Variants in CDYL observed in about 807,000 individuals in gnomAD.
CDYL encodes chromodomain Y-like protein.
CDYL carries 8 observed loss-of-function variants against 47.3 expected under a neutral mutation model. That is an observed-to-expected ratio of 0.17 (90% CI 0.10 to 0.31). The LOEUF (loss-of-function observed/expected upper bound fraction) is 0.31. Ranked by LOEUF, CDYL falls within the 10% of genes least tolerant of loss-of-function variation. The pLI is 1.00. For missense variants in CDYL, 471 were observed against 701.4 expected (o/e 0.67, Z 3.71); for synonymous variants, 266 against 265.0 (o/e 1.00, Z -0.04).
intron 2 of CDYL, among the ~76,000 whole-genome samples, chr6:4,731,405 A>G (rs572194209): frequency 2.0e-4 from 30 of 152,278 alleles, no homozygotes; most frequent in African/African-American, 6.7e-4. Flanking sequence ...ATCATGATCT[A>G]ATTCAAATGG....
chr6:4,864,028 G>C (rs1057054108), intron 1 of CDYL, among the ~76,000 whole-genome samples: 2 of 152,170 alleles, frequency 1.3e-5, no homozygotes, highest in African/African-American at 2.4e-5. Flanking sequence ...AAGGCACAGA[G>C]GGAGAAAGAG....
chr6:4,776,756 C>G lies in CDYL; in HGVS notation c.-28C>G. ...CGCCGGCGCCCGCCCCGACCCTGCC[C>G]CTCCCGCCCGCAACTCCGCCGCCCA... On this transcript the variant is annotated 5_prime_UTR_variant, in exon 1 of 7. Transcript: ENST00000397588. 1 of 1,252,094 alleles carries G rather than the reference C, an allele frequency of 8.0e-7. No homozygotes were observed. Among genetic ancestry groups the G allele is most frequent in the South Asian group, 1.4e-5 (1 of 70,594 alleles). The allele number at this position is 1,252,094 out of a possible 1,614,324, so 77.6% of individuals were successfully genotyped here.
At chr6:4,925,484 T>A (rs570981991) in intron 2 of CDYL, among the ~76,000 whole-genome samples, 5 of 140,654 alleles carry the variant, frequency 3.6e-5, no homozygotes, top group Non-Finnish European at 7.6e-5. Context: ...CGATCTCGGC[T>A]CACTGCAAGC....
At chr6:4,870,033 T>C (rs1170744242) in intron 1 of CDYL, among the ~76,000 whole-genome samples, 1 of 152,238 alleles carries the variant, frequency 6.6e-6, no homozygotes, top group African/African-American at 2.4e-5. Flanking sequence ...TATTTTGCTT[T>C]CATTTTTTTT....
chr6:4,777,420 G>GA (rs745715988), intron 1 of CDYL, among the ~76,000 whole-genome samples: 3 of 152,304 alleles, frequency 2.0e-5, no homozygotes, highest in Non-Finnish European at 2.9e-5. Context: ...TTGCAAATGA[G>GA]AAGGGCATAG....
In CDYL at chr6:4,918,115, C is replaced by T. The variant is rs567888586; in HGVS notation, c.692-17400C>T. On this transcript the variant is annotated intron_variant, in intron 2 of 6. Coordinates refer to ENST00000397588, the MANE Select transcript of CDYL (RefSeq NM_004824.4). The stretch of plus-strand genomic sequence containing the variant: ...CTTATGAAAACAATAGTTGCAAAAG[C>T]CAGTTGGTTCTGAGAGTCAGGATAA... 4.6e-5 allele frequency among the ~76,000 whole-genome samples: 7 copies of T among 152,192 alleles called. No homozygotes were observed. In the East Asian group the frequency reaches 9.6e-4, roughly 21 times the overall value.
At chr6:4,857,286 A>G (rs1561672982) in intron 1 of CDYL, among the ~76,000 whole-genome samples, 1 of 152,202 alleles carries the variant, frequency 6.6e-6, no homozygotes, top group Non-Finnish European at 1.5e-5. Flanking sequence ...TTGCATTGAG[A>G]CACCCTTCCC....
intron 3 of CDYL, among the ~76,000 whole-genome samples, chr6:4,755,336 G>A (rs898037997): frequency 1.3e-5 from 2 of 151,936 alleles, no homozygotes; most frequent in Admixed American, 1.3e-4. Context: ...CTCCCAAAGT[G>A]CTGGGATTAC....
At chr6:4,865,362 A>G (rs1029871729) in intron 1 of CDYL, among the ~76,000 whole-genome samples, 4 of 152,214 alleles carry the variant, frequency 2.6e-5, no homozygotes, top group African/African-American at 9.6e-5. Flanking sequence ...ACCCTAGCCA[A>G]TAGGGGAATG....
chr6:4,891,986 G>T lies in CDYL; in HGVS notation c.298G>T (p.Val100Leu), dbSNP rs757700421. The T allele has an allele frequency of 6.2e-7, 1 of 1,614,068 alleles. No individual in the cohort carries two copies. The highest frequency in any genetic ancestry group is 8.5e-7 in the Non-Finnish European group (1 of 1,180,046). Reference protein sequence around the residue: ...NFSKTSPKALVIGKDHESKNS... With the variant: ...NFSKTSPKALLIGKDHESKNS... ...TTCTAAGACCTCTCCTAAGGCACTC[G>T]TGATTGGGAAAGACCACGAATCCAA... The change falls in exon 2 of 7, where the codon GTG (valine) becomes TTG (leucine). Residue 100 changes from valine to leucine, a missense_variant. Transcript: ENST00000397588.
rs901043921 is a variant in CDYL at position 4,834,205 on chromosome 6, C to G, written c.24+57398C>G. On this transcript the variant is annotated intron_variant, in intron 1 of 6. Transcript: ENST00000397588. ...ACATTTTGGCATGATTTTGCAGCGG[C>G]TGGTACCAGTTGTTCCTTTCCATGT... Among the ~76,000 whole-genome samples, 122 of 152,176 alleles carry G rather than the reference C, an allele frequency of 8.0e-4. 1 individual carries two copies. Among genetic ancestry groups the G allele is most frequent in the African/African-American group, 2.6e-3 (107 of 41,422 alleles).
intron 1 of CDYL, among the ~76,000 whole-genome samples, chr6:4,873,477 A>G (rs1299603961): frequency 1.3e-5 from 2 of 152,122 alleles, no homozygotes; most frequent in East Asian, 1.9e-4. Flanking sequence ...GAGACATTTC[A>G]TTGCTGTGGT....
chr6:4,713,899 A>T (rs1442657206), intron 1 of CDYL, among the ~76,000 whole-genome samples: 1 of 152,128 alleles, frequency 6.6e-6, no homozygotes, highest in African/African-American at 2.4e-5. Flanking sequence ...AGATTCATTT[A>T]TTTTGGCTTA....
intron 1 of CDYL, among the ~76,000 whole-genome samples, chr6:4,873,694 G>A (rs1761536306): frequency 6.6e-6 from 1 of 152,172 alleles, no homozygotes; most frequent in Non-Finnish European, 1.5e-5. Flanking sequence ...CCACCTGCTT[G>A]AAGAATAAAT....
At chr6:4,714,492 C>T (rs554459079) in intron 1 of CDYL, 18 of 152,294 alleles carry the variant, frequency 1.2e-4, no homozygotes, top group African/African-American at 4.1e-4. Flanking sequence ...ATATAATAAG[C>T]TCTCAACAGA....
chr6:4,767,406 C>G (rs1333997298), intron 3 of CDYL, among the ~76,000 whole-genome samples: 2 of 152,156 alleles, frequency 1.3e-5, no homozygotes, highest in African/African-American at 4.8e-5. Context: ...AACCCCATCA[C>G]TACCAGAAAT....
upstream of CDYL, among the ~76,000 whole-genome samples, chr6:4,772,141 A>G (rs545080480): frequency 3.9e-5 from 6 of 152,378 alleles, no homozygotes; most frequent in East Asian, 1.2e-3. Context: ...TTGTAGATTG[A>G]TGAGCTCCGG....
chr6:4,879,719 C>T (rs926875231), intron 1 of CDYL, among the ~76,000 whole-genome samples: 1 of 151,914 alleles, frequency 6.6e-6, no homozygotes, highest in Non-Finnish European at 1.5e-5. Context: ...CCATCATGCC[C>T]AGCTAATTTT....
At chr6:4,841,730 A>C (rs1228257173) in intron 1 of CDYL, among the ~76,000 whole-genome samples, 1 of 151,864 alleles carries the variant, frequency 6.6e-6, no homozygotes, top group Non-Finnish European at 1.5e-5. Flanking sequence ...GTTGATTTCC[A>C]ATTTTATTCC....
Sources: gnomAD v4.1 joint callset for allele counts (sites outside exome capture counted in the v4.1 genomes callset) on GRCh38, gnomAD v4.1.1 for gene constraint, MANE v1.5 for transcripts, NCBI Gene and HGNC (gene_info 2026-07-23, HGNC 2026-07-21) for gene names.